OSBPL9: variants seen among roughly 807,000 people sequenced by gnomAD.
OSBPL9 encodes the protein oxysterol-binding protein-related protein 9.
Under a neutral mutation model 106.6 loss-of-function variants are expected in OSBPL9, and 40 were observed. The ratio of observed to expected loss-of-function variants is 0.38; its 90% CI spans 0.29 to 0.49. OSBPL9 has a LOEUF of 0.49. Ranked by LOEUF, OSBPL9 falls within the 20% of genes least tolerant of loss-of-function variation. OSBPL9 has a pLI of 0.97. For missense variants in OSBPL9, 609 were observed against 887.2 expected, an observed-to-expected ratio of 0.69 and a Z score of 3.98; for synonymous variants, 269 against 295.4, an observed-to-expected ratio of 0.91 and a Z score of 0.92.
At position 51,756,331 on chromosome 1, in the gene OSBPL9, T is replaced by C. The variant is rs1353221284; in HGVS notation, c.555T>C (p.Asn185=). 2 of 1,613,034 alleles carry C rather than the reference T, an allele frequency of 1.2e-6. No homozygotes were observed. Among genetic ancestry groups the C allele is most frequent in the South Asian group, 1.1e-5 (1 of 90,994 alleles). Residue 185 remains asparagine, a synonymous_variant, in exon 9 of 24, where the codon AAT becomes AAC. Transcript: ENST00000428468. ...CATTTTTCCTTAAGGACCAGAGTAA[T>C]GCGGAGAAGCACGCAGATGGAATGA... The part of the protein sequence containing the change: ...VLLQIAKDQS[N]AEKHADGMIS...
At chr1:51,678,150 T>C (rs1257108669) in intron 3 of OSBPL9, among the ~76,000 whole-genome samples, 1 of 152,150 alleles carries the variant, frequency 6.6e-6, no homozygotes, top group Non-Finnish European at 1.5e-5. Context: ...ACCACTGCAC[T>C]TCAGCCTGGG....
the OSBPL9 span, among the ~76,000 whole-genome samples, chr1:51,555,725 G>A: frequency 7.2e-5 from 11 of 151,838 alleles, no homozygotes; most frequent in African/African-American, 2.7e-4. Context: ...GTGCCACCAT[G>A]CCCGGCTAAT....
At chr1:51,546,431 C>G in the OSBPL9 span, among the ~76,000 whole-genome samples, 1 of 152,098 alleles carries the variant, frequency 6.6e-6, no homozygotes, top group African/African-American at 2.4e-5. Context: ...GGCGCGGTGG[C>G]TCACGCCTGT....
rs956307406 is a variant in OSBPL9 at position 51,673,825 on chromosome 1, C to T, written c.241+4313C>T. ...TTAAGACTGTAGTGTTCTATGATCA[C>T]ACCTGGTGCATAGCCACTGCACTCC... is the stretch of plus-strand genomic sequence containing the variant. On this transcript the variant is annotated intron_variant, in intron 3 of 23. Coordinates refer to ENST00000428468, the MANE Select transcript of OSBPL9 (RefSeq NM_024586.6). Among the ~76,000 whole-genome samples, 18 of 151,908 alleles carry T rather than the reference C, an allele frequency of 1.2e-4. No homozygotes were observed. The South Asian group carries it at 2.3e-3, about 19-fold the overall frequency.
upstream of OSBPL9, chr1:51,616,877 A>T (rs1168253944): frequency 1.7e-6 from 1 of 585,282 alleles, no homozygotes; most frequent in East Asian, 3.4e-5. Flanking sequence ...ATGACAGATT[A>T]TAAATAATCT....
the OSBPL9 span, among the ~76,000 whole-genome samples, chr1:51,542,438 T>C: frequency 1.3e-5 from 2 of 152,186 alleles, no homozygotes; most frequent in African/African-American, 4.8e-5. Context: ...GACTTTAATC[T>C]TGAATCACAG....
At chr1:51,686,039 G>T (rs541596201) in intron 3 of OSBPL9, among the ~76,000 whole-genome samples, 2 of 152,288 alleles carry the variant, frequency 1.3e-5, no homozygotes, top group Non-Finnish European at 2.9e-5. Flanking sequence ...GAATATGGAT[G>T]ATTTAAATCA....
the OSBPL9 span, among the ~76,000 whole-genome samples, chr1:51,572,018 A>G: frequency 6.6e-6 from 1 of 152,176 alleles, no homozygotes; most frequent in Non-Finnish European, 1.5e-5. Context: ...ACCAAGGCAC[A>G]GCTTCCCGTG....
upstream of OSBPL9, among the ~76,000 whole-genome samples, chr1:51,615,864 G>A (rs1275920783): frequency 6.6e-6 from 1 of 152,056 alleles, no homozygotes; most frequent in East Asian, 1.9e-4. Flanking sequence ...GTGTTAATCA[G>A]TATTGGATAT....
chr1:51,621,281 C>T (rs1644417518), intron 1 of OSBPL9, among the ~76,000 whole-genome samples: 1 of 152,164 alleles, frequency 6.6e-6, no homozygotes, highest in Non-Finnish European at 1.5e-5. Context: ...GCGGGGAGAT[C>T]ACCTGAGGTC....
chr1:51,669,737 T>A, intron 3 of OSBPL9: 1 of 638,668 alleles, frequency 1.6e-6, no homozygotes, highest in Non-Finnish European at 2.9e-6. Flanking sequence ...CAGTTGGAGA[T>A]GAAAATTTTA....
intron 1 of OSBPL9, among the ~76,000 whole-genome samples, chr1:51,647,412 A>G (rs1646231644): frequency 6.6e-6 from 1 of 152,152 alleles, no homozygotes; most frequent in Admixed American, 6.5e-5. Context: ...TGGTATTAGA[A>G]TAATACTAGC....
At chr1:51,549,561 C>T in the OSBPL9 span, among the ~76,000 whole-genome samples, 36,242 of 152,162 alleles carry the variant, frequency 0.24, 5,061 homozygotes, top group Middle Eastern at 0.35. Flanking sequence ...GGCAGGTACA[C>T]TGGCCTACGC....
Position 51,579,801 on chromosome 1 carries a change from G to A in OSBPL9, c.-423+2545G>A, listed in dbSNP as rs558977973. On this transcript the variant is annotated intron_variant, in intron 1 of 25. Coordinates refer to the OSBPL9 transcript ENST00000371714. ...CCCAGAGAGGTCAAGGCTGCAGTGA[G>A]CCATGATTGTGCCACTGCACTCCAG... 1.6e-4 allele frequency among the ~76,000 whole-genome samples: 24 copies of A among 151,440 alleles called. No individual in the cohort carries two copies. In the South Asian group the frequency reaches 4.6e-3, roughly 29 times the overall value.
chr1:51,775,556 C>G (rs184578771), intron 14 of OSBPL9, among the ~76,000 whole-genome samples: 2 of 152,238 alleles, frequency 1.3e-5, no homozygotes, highest in African/African-American at 4.8e-5. Context: ...TTTAAATGCT[C>G]TTGTTATTCT....
intron 4 of OSBPL9, chr1:51,730,220 T>G: frequency 1.7e-6 from 2 of 1,147,282 alleles, no homozygotes; most frequent in Non-Finnish European, 1.1e-6. Context: ...GGGCCTCCAG[T>G]TCCACCGAGA....
intron 1 of OSBPL9, 110 bp downstream of exon 1, chr1:51,617,331 C>A: frequency 2.7e-6 from 3 of 1,096,602 alleles, no homozygotes; most frequent in Non-Finnish European, 3.8e-6. Flanking sequence ...TCTGGGGGTG[C>A]CGCCGTACGC....
chr1:51,617,475 G>A (rs1443124528), intron 1 of OSBPL9, among the ~76,000 whole-genome samples: 2 of 152,142 alleles, frequency 1.3e-5, no homozygotes, highest in Non-Finnish European at 2.9e-5. Context: ...CTTTCTTAGG[G>A]TCCGCTATTA....
the OSBPL9 span, among the ~76,000 whole-genome samples, chr1:51,568,142 G>T: frequency 6.6e-6 from 1 of 152,218 alleles, no homozygotes; most frequent in Non-Finnish European, 1.5e-5. Flanking sequence ...CTGGAAGAAA[G>T]AATCCTGTGG....
Sources: gnomAD v4.1 joint callset for allele counts (sites outside exome capture counted in the v4.1 genomes callset) on GRCh38, gnomAD v4.1.1 for gene constraint, MANE v1.5 for transcripts, NCBI Gene and HGNC (gene_info 2026-07-23, HGNC 2026-07-21) for gene names.